The following RBL2 variants were observed in gnomAD, a reference collection of about 807,000 sequenced individuals.
The protein encoded by RBL2 is RB transcriptional corepressor like 2.
Under a neutral mutation model 126.0 loss-of-function variants are expected in RBL2, and 56 were observed. The ratio of observed to expected loss-of-function variants is 0.44; its 90% CI spans 0.36 to 0.56. The LOEUF (loss-of-function observed/expected upper bound fraction) is 0.56, where lower values mean the gene tolerates loss of function less well. RBL2 is among the 20% of genes least tolerant of loss of function. The pLI is 0.00. For synonymous variants in RBL2, 454 were observed against 478.5 expected, an observed-to-expected ratio of 0.95 and a Z score of 0.67; for missense variants, 1,229 against 1,398.2, an observed-to-expected ratio of 0.88 and a Z score of 1.93.
At chr16:53,460,532 G>T (rs1009987972) in intron 9 of RBL2, among the ~76,000 whole-genome samples, 2 of 152,112 alleles carry the variant, frequency 1.3e-5, no homozygotes, top group African/African-American at 4.8e-5. Context: ...GAAGCATTTC[G>T]TAAATACATT....
chr16:53,480,540 T>G (rs1480928777), intron 19 of RBL2, 27 bp from the exon 20 acceptor site: 3 of 1,595,674 alleles, frequency 1.9e-6, no homozygotes, highest in Admixed American at 3.5e-5. Context: ...GCCTTTGTAC[T>G]GACAGCCTTT....
chr16:53,487,341 T>C (rs968354756), intron 21 of RBL2, among the ~76,000 whole-genome samples: 1 of 152,218 alleles, frequency 6.6e-6, no homozygotes, highest in African/African-American at 2.4e-5. Context: ...GGTGGAAGTA[T>C]AGACACAGAG....
chr16:53,483,818 A>G (rs1288405733), intron 21 of RBL2, among the ~76,000 whole-genome samples: 2 of 150,346 alleles, frequency 1.3e-5, no homozygotes, highest in Non-Finnish European at 3.0e-5. Flanking sequence ...CAAAGTTTGC[A>G]GTGAGCTGAG....
In RBL2 at chr16:53,489,446, G is replaced by A. The variant is rs923184908; in HGVS notation, c.3250-684G>A. On this transcript the variant is annotated intron_variant, in intron 21 of 21. Transcript: ENST00000262133. ...CAAACTAGCAGAAAATAATGTGACA[G>A]ACGACTTTTAGAGGCTTTGGAGAAA... 3 of 152,178 alleles carry A rather than the reference G, an allele frequency of 2.0e-5. No individual in the cohort carries two copies. In the East Asian group the frequency reaches 5.8e-4, roughly 29 times the overall value. The allele number at this position is 152,178 out of a possible 1,614,324, so 9.4% of individuals were successfully genotyped here. A position where few individuals can be genotyped will look rare whatever the true frequency, so the allele number is the denominator to read the frequency against.
intron 14 of RBL2, 49 bp downstream of exon 14, chr16:53,467,218 T>C (rs2058280852): frequency 3.4e-6 from 5 of 1,461,840 alleles, no homozygotes; most frequent in South Asian, 1.1e-5. Context: ...TATCTGGAAA[T>C]TTAAATTTCA....
chr16:53,458,453 AG>A (rs2058189254), intron 8 of RBL2, among the ~76,000 whole-genome samples: 3 of 152,154 alleles, frequency 2.0e-5, no homozygotes, highest in Admixed American at 2.0e-4. Context: ...TGTCTACCTT[AG>A]GGGGAGAACC....
intron 14 of RBL2, among the ~76,000 whole-genome samples, chr16:53,468,561 C>T (rs2058291865): frequency 6.6e-6 from 1 of 152,118 alleles, no homozygotes; most frequent in African/African-American, 2.4e-5. Flanking sequence ...TTTGTACTTA[C>T]CACTTCTCAG....
At chr16:53,461,876 T>C in intron 10 of RBL2, 26 bp downstream of exon 10, 1 of 1,561,066 alleles carries the variant, frequency 6.4e-7, no homozygotes, top group Non-Finnish European at 8.8e-7. Context: ...GTTATTCTGC[T>C]TTTATGTTTG....
rs532044400 is a variant in RBL2, at chr16:53,462,727, G to GT, written c.1560+80dup. ...TCCTTCCTGCCCTATTCTGTGGGTT[G>GT]TTTTTTTTACTTTATATATAGTCTC... is the stretch of plus-strand genomic sequence containing the variant. On this transcript the variant is annotated intron_variant, in intron 11 of 21. Transcript: ENST00000262133. The GT allele has an allele frequency of 2.3e-4, 237 of 1,018,276 alleles. 2 individuals carry two copies. In the South Asian group the frequency reaches 2.5e-3, roughly 11 times the overall value. 63.1% of individuals were successfully genotyped at this position (1,018,276 alleles called of 1,614,324 possible). A position where few individuals can be genotyped will look rare whatever the true frequency, so the allele number is the denominator to read the frequency against.
rs764041578 is a variant in RBL2, at chr16:53,459,506, A to G, written c.1235A>G (p.Asn412Ser). The change falls in exon 9 of 22, where the codon AAT (asparagine) becomes AGT (serine). Residue 412 changes from asparagine (N) to serine (S), a missense_variant. By Grantham distance (46) the Asn-to-Ser change is conservative. Coordinates refer to ENST00000262133, the MANE Select transcript of RBL2 (RefSeq NM_005611.4). ...ACTGGTGTTAGGTACATTAAGGAGA[A>G]TAGCCCTTGTGTGACTCCAGTTTCT... The part of the protein sequence containing the change: ...PLTGVRYIKE[N>S]SPCVTPVSTA... 14 of 1,613,386 alleles carry G rather than the reference A, an allele frequency of 8.7e-6. No homozygotes were observed. The highest frequency in any genetic ancestry group is 1.1e-5 in the Non-Finnish European group (13 of 1,179,794).
At chr16:53,447,713 C>T (rs577624320) in intron 4 of RBL2, among the ~76,000 whole-genome samples, 56 of 152,072 alleles carry the variant, frequency 3.7e-4, no homozygotes, top group African/African-American at 1.3e-3. Flanking sequence ...GGCACAATCT[C>T]GGCTCACTGC....
At chr16:53,484,634 C>A (rs570375398) in intron 21 of RBL2, among the ~76,000 whole-genome samples, 2 of 152,178 alleles carry the variant, frequency 1.3e-5, no homozygotes, top group Non-Finnish European at 1.5e-5. Flanking sequence ...CCAGAATGGG[C>A]AAATATCTAG....
intron 17 of RBL2, among the ~76,000 whole-genome samples, chr16:53,477,366 CT>C (rs1960766194): frequency 6.6e-6 from 1 of 152,110 alleles, no homozygotes; most frequent in Non-Finnish European, 1.5e-5. Flanking sequence ...AAGACTGAGT[CT>C]TGCTCTGTCG....
At chr16:53,440,804 T>C (rs934648041) in intron 2 of RBL2, among the ~76,000 whole-genome samples, 2 of 152,134 alleles carry the variant, frequency 1.3e-5, no homozygotes, top group Non-Finnish European at 2.9e-5. Flanking sequence ...TCCACCCGCC[T>C]TGGACTCCCA....
intron 19 of RBL2, chr16:53,480,306 C>G: frequency 1.9e-6 from 1 of 537,140 alleles, no homozygotes; most frequent in Non-Finnish European, 3.3e-6. Flanking sequence ...CTTTGTACCA[C>G]TTAGTACAGG....
intron 21 of RBL2, chr16:53,489,596 A>G (rs1318855956): frequency 2.6e-5 from 4 of 152,182 alleles, no homozygotes; most frequent in South Asian, 2.1e-4. Context: ...TTAATCCTCA[A>G]TTCTCCCAAG....
At chr16:53,480,822 A>G in intron 20 of RBL2, 53 bp downstream of exon 20, 1 of 1,530,408 alleles carries the variant, frequency 6.5e-7, no homozygotes, top group Non-Finnish European at 9.0e-7. Context: ...GTGTTGAGGA[A>G]TCATTTATGA....
At chr16:53,471,997 T>G (rs1026020859) in intron 17 of RBL2, among the ~76,000 whole-genome samples, 8 of 152,236 alleles carry the variant, frequency 5.3e-5, no homozygotes, top group African/African-American at 1.9e-4. Context: ...TCTTAATCGT[T>G]TATAGAAATG....
intron 4 of RBL2, among the ~76,000 whole-genome samples, chr16:53,448,194 G>C (rs2058081227): frequency 6.6e-6 from 1 of 152,004 alleles, no homozygotes; most frequent in South Asian, 2.1e-4. Flanking sequence ...GTCTCACTCT[G>C]TTGCCCAGGC....
Sources: allele counts gnomAD v4.1 joint callset (sites outside exome capture counted in the v4.1 genomes callset), GRCh38; gene constraint gnomAD v4.1.1; transcripts MANE v1.5; gene names NCBI Gene and HGNC (gene_info 2026-07-23, HGNC 2026-07-21).